Variants in ODAD1 observed in about 807,000 individuals in gnomAD.
The protein encoded by ODAD1 is outer dynein arm-docking complex subunit 1.
In ODAD1, 49 loss-of-function variants were observed where a neutral mutation model predicts 67.2. The observed-to-expected ratio is 0.73, with a 90% confidence interval of 0.58 to 0.92. The LOEUF (loss-of-function observed/expected upper bound fraction) is 0.92. ODAD1 is among the 40% of genes least tolerant of loss of function. ODAD1 has a pLI of 0.00. For synonymous variants in ODAD1, 345 were observed against 393.7 expected, an observed-to-expected ratio of 0.88 and a Z score of 1.46; for missense variants, 897 against 953.7, an observed-to-expected ratio of 0.94 and a Z score of 0.78.
intron 13 of ODAD1, 37 bp from the exon 14 acceptor site, chr19:48,298,134 C>A (rs1490070303): frequency 6.2e-7 from 1 of 1,611,948 alleles, no homozygotes; most frequent in African/African-American, 1.3e-5. Flanking sequence ...GCTGGGCCAC[C>A]CCCGAGACCG....
intron 8 of ODAD1, among the ~76,000 whole-genome samples, chr19:48,305,023 CAGAG>C (rs1968569074): frequency 1.3e-5 from 2 of 152,110 alleles, no homozygotes; most frequent in South Asian, 2.1e-4. Flanking sequence ...TTTGTTTTAA[CAGAG>C]AGAGAGAAAG....
rs115337988 is a variant in ODAD1, at chr19:48,306,768, C to T, written c.598-445G>A. Among the ~76,000 whole-genome samples the T allele has an allele frequency of 7.0e-3, 1,072 of 152,178 alleles. 18 individuals are homozygous for T. The highest frequency in any genetic ancestry group is 0.024 in the African/African-American group (1,007 of 41,528). On this transcript the variant is annotated intron_variant, in intron 7 of 15. Coordinates refer to ENST00000674294, the MANE Select transcript of ODAD1 (RefSeq NM_001364171.2). ...CTTTATTTAAAAATAATAATAGGGC[C>T]AGGTGCGGTGGCTCAGGCCCATAAT...
chr19:48,310,235 A>G (rs1282427526), intron 7 of ODAD1, among the ~76,000 whole-genome samples: 1 of 152,126 alleles, frequency 6.6e-6, no homozygotes, highest in East Asian at 1.9e-4. Flanking sequence ...ACTTAGTATC[A>G]AAAAAGAAAA....
At chr19:48,307,705 C>T (rs563856727) in intron 7 of ODAD1, among the ~76,000 whole-genome samples, 1 of 152,030 alleles carries the variant, frequency 6.6e-6, no homozygotes, top group African/African-American at 2.4e-5. Flanking sequence ...GTCCCAGCTA[C>T]TCGGGAGGCT....
chr19:48,298,330 G>A lies in ODAD1; in HGVS notation c.1251C>T (p.Leu417=), dbSNP rs1968365245. 1 of 1,613,992 alleles carries A rather than the reference G, an allele frequency of 6.2e-7. No homozygotes were observed. The highest frequency in any genetic ancestry group is 8.5e-7 in the Non-Finnish European group (1 of 1,179,996). ...TGTCGCAATGGGCCTTGGTGAAGAG[G>A]AGCTGGATATCTGCGTCATGGAGGG... ...QLEKLKADIQ[L]LFTKAHCDSS... is the part of the protein sequence containing the mutation. The change falls in exon 13 of 16, where the codon CTC becomes CTT. Residue 417 remains leucine (L), a synonymous_variant. Coordinates refer to ENST00000674294, the MANE Select transcript of ODAD1 (RefSeq NM_001364171.2).
intron 7 of ODAD1, among the ~76,000 whole-genome samples, chr19:48,310,279 G>A (rs1163023977): frequency 6.6e-6 from 1 of 152,004 alleles, no homozygotes; most frequent in Non-Finnish European, 1.5e-5. Flanking sequence ...AGGGGACATC[G>A]CACAACACAA....
intron 12 of ODAD1, among the ~76,000 whole-genome samples, chr19:48,299,123 G>C (rs1968388443): frequency 6.6e-6 from 1 of 152,208 alleles, no homozygotes; most frequent in Non-Finnish European, 1.5e-5. Flanking sequence ...TTCAAACCCA[G>C]GACAGGCTGG....
chr19:48,303,886 G>T (rs1968537022), intron 9 of ODAD1, 67 bp downstream of exon 9: 1 of 1,584,602 alleles, frequency 6.3e-7, no homozygotes, highest in South Asian at 1.2e-5. Flanking sequence ...GGGGCACGAA[G>T]GTGTGCTGCA....
intron 12 of ODAD1, among the ~76,000 whole-genome samples, chr19:48,299,152 G>A (rs920405065): frequency 4.6e-5 from 7 of 152,248 alleles, no homozygotes; most frequent in African/African-American, 1.7e-4. Context: ...GCTCACGCCT[G>A]TAATCCAGCA....
At position 48,302,747 on chromosome 19, in the gene ODAD1, C is replaced by T. The variant is rs139618333; in HGVS notation, c.1187G>A (p.Arg396His). The change falls in exon 12 of 16, where the codon CGC becomes CAC. Residue 396 changes from arginine to histidine, a missense_variant. Transcript: ENST00000674294. ...CACATCCTGGAAGCGGGCCTCAAGG[C>T]GCTCAGCCTCCGAGTGCACCTTGTC... is the stretch of plus-strand genomic sequence containing the variant. ...RMDKVHSEAE[R>H]LEARFQDVRG... The T allele has an allele frequency of 2.4e-5, 39 of 1,613,428 alleles. No individual in the cohort carries two copies. The African/African-American group carries it at 3.2e-4, about 13-fold the overall frequency.
At chr19:48,297,861 C>A in intron 14 of ODAD1, 139 bp downstream of exon 14, 1 of 848,198 alleles carries the variant, frequency 1.2e-6, no homozygotes, top group South Asian at 1.8e-5. Context: ...CCTCGAAGCA[C>A]ATACTTCATA....
chr19:48,307,132 C>T (rs968637783), intron 7 of ODAD1, among the ~76,000 whole-genome samples: 8 of 151,022 alleles, frequency 5.3e-5, no homozygotes, highest in Non-Finnish European at 1.0e-4. Flanking sequence ...TGTGGTGAGC[C>T]GAGATCGTGC....
chr19:48,319,618 C>T (rs1321414400), intron 3 of ODAD1: 4 of 167,054 alleles, frequency 2.4e-5, no homozygotes, highest in Non-Finnish European at 4.9e-5. Flanking sequence ...GCCTCCACCT[C>T]GCAGGCTCAA....
intron 7 of ODAD1, among the ~76,000 whole-genome samples, chr19:48,309,788 C>A (rs1968709966): frequency 6.6e-6 from 1 of 152,216 alleles, no homozygotes; most frequent in Non-Finnish European, 1.5e-5. Flanking sequence ...AAGGAAAACT[C>A]TTCCTGGCTA....
chr19:48,297,582 A>T lies in ODAD1; in HGVS notation c.1581+8T>A. On this transcript the variant is annotated splice_region_variant and intron_variant, in intron 15 of 15. Coordinates refer to ENST00000674294, the MANE Select transcript of ODAD1 (RefSeq NM_001364171.2). ...GCCTGGCCCCACCCCCGCAGGCCCCACTCTCACCAGCTTCTCCACTTGGCT... is the reference window on the plus strand; with the variant it reads ...GCCTGGCCCCACCCCCGCAGGCCCCTCTCTCACCAGCTTCTCCACTTGGCT... The T allele has an allele frequency of 1.9e-6, 3 of 1,559,474 alleles. No individual in the cohort carries two copies. Among genetic ancestry groups the T allele is most frequent in the Non-Finnish European group, 2.6e-6 (3 of 1,156,050 alleles).
At chr19:48,310,597 A>G (rs931420678) in intron 7 of ODAD1, among the ~76,000 whole-genome samples, 11 of 152,344 alleles carry the variant, frequency 7.2e-5, no homozygotes, top group South Asian at 4.1e-4. Context: ...TCTACAACAT[A>G]TTGTCAAACA....
intron 7 of ODAD1, among the ~76,000 whole-genome samples, chr19:48,307,707 C>T (rs1044477396): frequency 4.0e-5 from 6 of 150,976 alleles, no homozygotes; most frequent in Admixed American, 2.7e-4. Flanking sequence ...CCCAGCTACT[C>T]GGGAGGCTGA....
intron 12 of ODAD1, among the ~76,000 whole-genome samples, chr19:48,299,632 C>G (rs1361753090): frequency 6.6e-6 from 1 of 150,660 alleles, no homozygotes; most frequent in African/African-American, 2.4e-5. Flanking sequence ...GGCAAAACCC[C>G]CCTCCACTAA....
In ODAD1 at chr19:48,296,787, A is replaced by G; in HGVS notation, c.*189T>C. On this transcript the variant is annotated 3_prime_UTR_variant, in exon 16 of 16. Coordinates refer to ENST00000674294, the MANE Select transcript of ODAD1 (RefSeq NM_001364171.2). ...GGGAAAAGCAGTGTCAGGAGCAGAG[A>G]GAAAGGAACCGGGAGACACAGGTGA... 7.1e-7 allele frequency: 1 copy of G among 1,415,978 alleles called. No homozygotes were observed. The allele number at this position is 1,415,978 out of a possible 1,614,324, so 87.7% of individuals were successfully genotyped here. A position where few individuals can be genotyped will look rare whatever the true frequency, so the allele number is the denominator to read the frequency against.
Sources: allele counts gnomAD v4.1 joint callset (sites outside exome capture counted in the v4.1 genomes callset), GRCh38; gene constraint gnomAD v4.1.1; transcripts MANE v1.5; gene names NCBI Gene and HGNC (gene_info 2026-07-23, HGNC 2026-07-21).